MAPK4: variants seen among roughly 807,000 people sequenced by gnomAD.
The protein encoded by MAPK4 is Erk3-related.
A neutral mutation model predicts 47.7 loss-of-function variants in MAPK4; 22 were observed. The observed-to-expected ratio is 0.46, with a 90% CI of 0.33 to 0.66. The LOEUF (loss-of-function observed/expected upper bound fraction) is 0.66, where lower values mean the gene tolerates loss of function less well. MAPK4 is among the 30% of genes least tolerant of loss of function. The pLI, the probability that MAPK4 is intolerant of heterozygous loss-of-function variation, is 0.02. For missense variants in MAPK4, 736 were observed against 831.7 expected, an observed-to-expected ratio of 0.88 and a Z score of 1.42; for synonymous variants, 390 against 365.7, an observed-to-expected ratio of 1.07 and a Z score of -0.76.
chr18:50,648,513 T>C (rs2043013329), intron 1 of MAPK4, among the ~76,000 whole-genome samples: 1 of 152,146 alleles, frequency 6.6e-6, no homozygotes, highest in African/African-American at 2.4e-5. Context: ...GGAAGACTGA[T>C]TGCAGGGGAT....
rs1907381267 is a variant in MAPK4, at chr18:50,663,257, C to A, written c.-702C>A. 1 of 152,244 alleles carries A rather than the reference C, an allele frequency of 6.6e-6. No individual in the cohort carries two copies. The highest frequency in any genetic ancestry group is 1.9e-4 in the East Asian group (1 of 5,196). The allele number at this position is 152,244 out of a possible 1,614,324, so 9.4% of individuals were successfully genotyped here. Reference sequence around the variant, plus strand: ...CAGCTGAGCTCCCCTGCATTTGGAACCTCAGGCGTAACTTGGTGTAGAGCT... The same window carrying A: ...CAGCTGAGCTCCCCTGCATTTGGAAACTCAGGCGTAACTTGGTGTAGAGCT... On this transcript the variant is annotated 5_prime_UTR_variant, in exon 2 of 6. Coordinates refer to ENST00000400384, the MANE Select transcript of MAPK4 (RefSeq NM_002747.4).
chr18:50,598,679 T>A (rs1390802261), intron 1 of MAPK4, among the ~76,000 whole-genome samples: 1 of 152,232 alleles, frequency 6.6e-6, no homozygotes. Flanking sequence ...ACTGTTTCAT[T>A]AATGACCGCT....
intron 1 of MAPK4, among the ~76,000 whole-genome samples, chr18:50,661,992 G>T (rs1051400026): frequency 8.5e-5 from 13 of 152,214 alleles, no homozygotes; most frequent in African/African-American, 3.1e-4. Context: ...CAGGCGATCT[G>T]ATTGTTTACT....
At chr18:50,658,551 A>G (rs2043136082) in intron 1 of MAPK4, among the ~76,000 whole-genome samples, 1 of 152,258 alleles carries the variant, frequency 6.6e-6, no homozygotes. Context: ...GTAAACCCTC[A>G]GGACATGCAG....
At chr18:50,713,356 T>G (rs1021315421) in intron 2 of MAPK4, among the ~76,000 whole-genome samples, 2 of 152,258 alleles carry the variant, frequency 1.3e-5, no homozygotes, top group Non-Finnish European at 2.9e-5. Context: ...TATCAACTTA[T>G]ATAAACTCCA....
chr18:50,632,773 C>G (rs1212835602), intron 1 of MAPK4, among the ~76,000 whole-genome samples: 1 of 151,998 alleles, frequency 6.6e-6, no homozygotes, highest in Non-Finnish European at 1.5e-5. Context: ...GCATGTACCA[C>G]CATACCCAGC....
At chr18:50,645,042 G>A (rs887479427) in intron 1 of MAPK4, among the ~76,000 whole-genome samples, 4 of 152,204 alleles carry the variant, frequency 2.6e-5, no homozygotes, top group Non-Finnish European at 4.4e-5. Flanking sequence ...GTGAGGGAGA[G>A]CAGAAGGAGA....
chr18:50,614,679 A>G (rs995510525), intron 1 of MAPK4, among the ~76,000 whole-genome samples: 1 of 152,214 alleles, frequency 6.6e-6, no homozygotes, highest in South Asian at 2.1e-4. Flanking sequence ...TGTCACACGT[A>G]TTATCTCTAG....
Position 50,725,964 on chromosome 18 carries a change from A to C in MAPK4, c.856A>C (p.Ile286Leu). ...KLLPEVNSEA[I>L]DFLEKILTFN... ...ATGTCCGGCTTTGCTCCCTGCAGCCATCGACTTTCTGGAGAAGATCCTGAC... is the reference window on the plus strand; with the variant it reads ...ATGTCCGGCTTTGCTCCCTGCAGCCCTCGACTTTCTGGAGAAGATCCTGAC... The change falls in exon 5 of 6, where the codon ATC (isoleucine) becomes CTC (leucine). Residue 286 changes from isoleucine to leucine, a missense_variant and splice_region_variant. Ile to Leu is a conservative substitution (Grantham distance 5, BLOSUM62 2). This residue lies in a region of MAPK4 where 327 missense variants were observed against 395.4 expected (regional missense o/e 0.83). Coordinates refer to ENST00000400384, the MANE Select transcript of MAPK4 (RefSeq NM_002747.4). 1 of 1,614,088 alleles carries C rather than the reference A, an allele frequency of 6.2e-7. No individual in the cohort carries two copies. Among genetic ancestry groups the C allele is most frequent in the African/African-American group, 1.3e-5 (1 of 75,040 alleles).
intron 3 of MAPK4, among the ~76,000 whole-genome samples, chr18:50,716,363 T>G (rs1910636427): frequency 6.6e-6 from 1 of 152,062 alleles, no homozygotes; most frequent in African/African-American, 2.4e-5. Flanking sequence ...TCTCTGGCAA[T>G]CCCCCCTCAG....
intron 2 of MAPK4, among the ~76,000 whole-genome samples, chr18:50,699,119 C>A (rs1909653770): frequency 6.6e-6 from 1 of 152,114 alleles, no homozygotes; most frequent in African/African-American, 2.4e-5. Flanking sequence ...AAAATCTATT[C>A]TTTTGACTTA....
intron 3 of MAPK4, among the ~76,000 whole-genome samples, chr18:50,716,603 C>T (rs1910647252): frequency 6.6e-6 from 1 of 152,230 alleles, no homozygotes; most frequent in Non-Finnish European, 1.5e-5. Context: ...GCAGCATGAG[C>T]CCCGTGGGCC....
intron 2 of MAPK4, among the ~76,000 whole-genome samples, chr18:50,693,962 T>C (rs1545129): frequency 0.48 from 72,455 of 152,006 alleles, 17,641 homozygotes; most frequent in South Asian, 0.56. Flanking sequence ...CACAGGAGGG[T>C]TGCAGGAGCT....
intron 1 of MAPK4, among the ~76,000 whole-genome samples, chr18:50,613,558 C>T (rs2042658339): frequency 6.6e-6 from 1 of 152,186 alleles, no homozygotes; most frequent in Admixed American, 6.5e-5. Flanking sequence ...TCCTTACCCA[C>T]AGAAACTGGG....
rs143094898 is a variant in MAPK4 at position 50,668,883 on chromosome 18, C to T, written c.546+4379C>T. 5.6e-3 allele frequency among the ~76,000 whole-genome samples: 850 copies of T among 152,354 alleles called. 10 individuals carry two copies. Among genetic ancestry groups the T allele is most frequent in the African/African-American group, 0.02 (813 of 41,568 alleles). ...TGTCCACTGTTTTCTCAGAGCTTCA[C>T]TTCCCGATTGTCTTTTCTGCCAAAT... On this transcript the variant is annotated intron_variant, in intron 2 of 5. Transcript: ENST00000400384.
chr18:50,703,286 T>C (rs1909883943), intron 2 of MAPK4, among the ~76,000 whole-genome samples: 1 of 152,176 alleles, frequency 6.6e-6, no homozygotes, highest in African/African-American at 2.4e-5. Flanking sequence ...CTTCCTCCAG[T>C]AACCTGCACT....
At chr18:50,622,323 G>A (rs1260643224) in intron 1 of MAPK4, among the ~76,000 whole-genome samples, 1 of 152,190 alleles carries the variant, frequency 6.6e-6, no homozygotes, top group Non-Finnish European at 1.5e-5. Flanking sequence ...AGGGAAGAAG[G>A]GTTGAAGGGT....
intron 1 of MAPK4, among the ~76,000 whole-genome samples, chr18:50,583,853 G>C (rs1385779782): frequency 6.6e-6 from 1 of 152,104 alleles, no homozygotes; most frequent in African/African-American, 2.4e-5. Context: ...TAACAACCTG[G>C]GTTTTACAAA....
At chr18:50,575,414 C>G (rs769112354) in intron 1 of MAPK4, among the ~76,000 whole-genome samples, 10 of 152,216 alleles carry the variant, frequency 6.6e-5, no homozygotes, top group Non-Finnish European at 1.5e-4. Context: ...TAAATTCACT[C>G]CTAGGCACCT....
Sources: gnomAD v4.1 joint callset for allele counts (sites outside exome capture counted in the v4.1 genomes callset) on GRCh38, gnomAD v4.1.1 for gene constraint, gnomAD v4.1.1 regional missense constraint, MANE v1.5 for transcripts, NCBI Gene and HGNC (gene_info 2026-07-23, HGNC 2026-07-21) for gene names.